The following TMC1 variants were observed in gnomAD, a reference collection of about 807,000 sequenced individuals.
TMC1 encodes the protein transmembrane channel-like protein 1.
Under a neutral mutation model 105.8 loss-of-function variants are expected in TMC1, and 84 were observed. That is an observed-to-expected ratio of 0.79 (90% CI 0.67 to 0.95). TMC1 has a LOEUF of 0.95. Ranked by LOEUF, TMC1 falls within the 40% of genes least tolerant of loss-of-function variation. The pLI is 0.00. For synonymous variants in TMC1, 315 were observed against 311.5 expected (o/e 1.01, Z -0.12); for missense variants, 817 against 914.1 (o/e 0.89, Z 1.37).
At chr9:72,677,383 G>A (rs1826219971) in intron 5 of TMC1, among the ~76,000 whole-genome samples, 1 of 152,040 alleles carries the variant, frequency 6.6e-6, no homozygotes, top group African/African-American at 2.4e-5. Flanking sequence ...CCCACATAGG[G>A]GAAGGAGTCT....
intron 1 of TMC1, among the ~76,000 whole-genome samples, chr9:72,540,278 TGGG>T (rs1293672803): frequency 6.6e-6 from 1 of 152,098 alleles, no homozygotes; most frequent in South Asian, 2.1e-4. Flanking sequence ...TCCCAGGAAA[TGGG>T]GGGTAGGAAG....
At position 72,613,548 on chromosome 9, in the gene TMC1, C is replaced by T. The variant is rs533848199; in HGVS notation, c.-305-2820C>T. On this transcript the variant is annotated intron_variant, in intron 2 of 23. Transcript: ENST00000297784. ...TGGGTGGGCAGTGAAAGTATTCATACCTCTTTTAGCAAAACCTATCTCTTC... is the reference window on the plus strand; with the variant it reads ...TGGGTGGGCAGTGAAAGTATTCATATCTCTTTTAGCAAAACCTATCTCTTC... Among the ~76,000 whole-genome samples, 3 of 152,170 alleles carry T rather than the reference C, an allele frequency of 2.0e-5. No homozygotes were observed. The East Asian group carries it at 5.8e-4, about 29-fold the overall frequency.
intron 1 of TMC1, among the ~76,000 whole-genome samples, chr9:72,524,757 A>G (rs1823377768): frequency 6.6e-6 from 1 of 152,204 alleles, no homozygotes; most frequent in East Asian, 1.9e-4. Flanking sequence ...GAATTATAAA[A>G]CAGTAAAGAA....
intron 1 of TMC1, among the ~76,000 whole-genome samples, chr9:72,559,803 G>A (rs1420517655): frequency 6.6e-6 from 1 of 152,088 alleles, no homozygotes; most frequent in African/African-American, 2.4e-5. Flanking sequence ...CAGAAATGAT[G>A]ACAAAAAAAT....
intron 4 of TMC1, among the ~76,000 whole-genome samples, chr9:72,629,968 C>T (rs1825420413): frequency 6.6e-6 from 1 of 152,030 alleles, no homozygotes; most frequent in African/African-American, 2.4e-5. Flanking sequence ...TGGGTTCAAG[C>T]AATTCTCCTG....
intron 10 of TMC1, among the ~76,000 whole-genome samples, chr9:72,748,655 T>TA (rs1329937831): frequency 6.6e-6 from 1 of 152,240 alleles, no homozygotes; most frequent in Non-Finnish European, 1.5e-5. Context: ...ACATCAGTTT[T>TA]AGTTAACAAC....
chr9:72,525,870 C>A (rs1290377730), intron 1 of TMC1, among the ~76,000 whole-genome samples: 1 of 152,150 alleles, frequency 6.6e-6, no homozygotes, highest in African/African-American at 2.4e-5. Context: ...CACCTGTATT[C>A]CCAGCTACTT....
At chr9:72,572,626 A>G (rs1405695486) in intron 1 of TMC1, among the ~76,000 whole-genome samples, 3 of 152,158 alleles carry the variant, frequency 2.0e-5, no homozygotes, top group Admixed American at 6.5e-5. Flanking sequence ...ACCTGTGTAC[A>G]TTGCCACTAG....
intron 12 of TMC1, among the ~76,000 whole-genome samples, chr9:72,762,657 T>TA (rs1206443888): frequency 3.3e-5 from 5 of 152,300 alleles, no homozygotes; most frequent in African/African-American, 7.2e-5. Context: ...CACCTAGAGA[T>TA]ACGTCTCTTT....
intron 5 of TMC1, among the ~76,000 whole-genome samples, chr9:72,675,417 A>G (rs1269475232): frequency 6.6e-6 from 1 of 152,174 alleles, no homozygotes; most frequent in Non-Finnish European, 1.5e-5. Flanking sequence ...GGCTTATTCC[A>G]ATAACCAAAG....
intron 2 of TMC1, among the ~76,000 whole-genome samples, chr9:72,599,690 A>G (rs1383356540): frequency 6.6e-6 from 1 of 151,844 alleles, no homozygotes; most frequent in Non-Finnish European, 1.5e-5. Context: ...GGTGCCTGTC[A>G]TCCCAGCTAC....
chr9:72,794,088 C>T (rs1056229675), intron 17 of TMC1, among the ~76,000 whole-genome samples: 1 of 152,108 alleles, frequency 6.6e-6, no homozygotes, highest in Non-Finnish European at 1.5e-5. Context: ...CCCCCACCCC[C>T]CTCCTTGTCA....
intron 8 of TMC1, among the ~76,000 whole-genome samples, chr9:72,728,767 A>G (rs1827161972): frequency 6.6e-6 from 1 of 152,116 alleles, no homozygotes; most frequent in Admixed American, 6.6e-5. Flanking sequence ...TGCTACTGTA[A>G]TACTAACAAA....
chr9:72,739,337 T>C (rs562367415), intron 8 of TMC1, among the ~76,000 whole-genome samples: 1 of 152,336 alleles, frequency 6.6e-6, no homozygotes, highest in East Asian at 1.9e-4. Flanking sequence ...TGTTGGAGAT[T>C]AGATTTCAAC....
At chr9:72,665,447 G>C (rs1361066231) in intron 5 of TMC1, among the ~76,000 whole-genome samples, 1 of 152,244 alleles carries the variant, frequency 6.6e-6, no homozygotes, top group Non-Finnish European at 1.5e-5. Flanking sequence ...ACTTAAGGAA[G>C]AATGTCTATT....
At chr9:72,671,889 C>T (rs1826131456) in intron 5 of TMC1, among the ~76,000 whole-genome samples, 1 of 152,084 alleles carries the variant, frequency 6.6e-6, no homozygotes, top group Non-Finnish European at 1.5e-5. Context: ...GTTATCCTTA[C>T]TGAAAAAATA....
At chr9:72,670,783 G>A (rs562225210) in intron 5 of TMC1, among the ~76,000 whole-genome samples, 1 of 152,142 alleles carries the variant, frequency 6.6e-6, no homozygotes, top group African/African-American at 2.4e-5. Flanking sequence ...ATTCGCAGCA[G>A]ATTAGATATA....
chr9:72,643,074 A>G (rs774029694), intron 4 of TMC1, among the ~76,000 whole-genome samples: 4 of 152,090 alleles, frequency 2.6e-5, no homozygotes, highest in Non-Finnish European at 5.9e-5. Flanking sequence ...GATTGTTTCT[A>G]TCTAATTTTC....
chr9:72,708,504 G>A (rs1353147504), intron 8 of TMC1, among the ~76,000 whole-genome samples: 1 of 142,456 alleles, frequency 7.0e-6, no homozygotes, highest in Non-Finnish European at 1.5e-5. Flanking sequence ...ATAATCCCAA[G>A]TACTTTTTTT....
Sources: allele counts gnomAD v4.1 joint callset (sites outside exome capture counted in the v4.1 genomes callset), GRCh38; gene constraint gnomAD v4.1.1; transcripts MANE v1.5; gene names NCBI Gene and HGNC (gene_info 2026-07-23, HGNC 2026-07-21).